Variants in ACTN4 observed in about 807,000 individuals in gnomAD.
ACTN4 encodes alpha-actinin-4.
A neutral mutation model predicts 114.2 loss-of-function variants in ACTN4; 18 were observed. The ratio of observed to expected loss-of-function variants is 0.16; its 90% CI spans 0.11 to 0.23. ACTN4 has a LOEUF of 0.23. Among genes scored for constraint, ACTN4 ranks in the 10% least tolerant of loss-of-function variants. ACTN4 has a pLI of 1.00. For synonymous variants in ACTN4, 515 were observed against 506.3 expected (o/e 1.02, Z -0.23); for missense variants, 722 against 1,262.9 (o/e 0.57, Z 6.49).
chr19:38,648,557 A>C (rs1335158699), intron 1 of ACTN4, among the ~76,000 whole-genome samples: 1 of 151,246 alleles, frequency 6.6e-6, no homozygotes, highest in East Asian at 2.0e-4. Flanking sequence ...ATGAAAAGAC[A>C]TGGGCTTAGG....
At chr19:38,725,609 C>T (rs542508644) in intron 16 of ACTN4, 115 bp from the exon 17 acceptor site, 1 of 1,253,522 alleles carries the variant, frequency 8.0e-7, no homozygotes, top group South Asian at 1.3e-5. Flanking sequence ...GCCAAGGCCC[C>T]AGGCCAAAGG....
chr19:38,722,254 G>A lies in ACTN4; in HGVS notation c.1442+566G>A, dbSNP rs143799361. 2.6e-5 allele frequency among the ~76,000 whole-genome samples: 4 copies of A among 152,250 alleles called. No homozygotes were observed. In the East Asian group the frequency reaches 5.8e-4, roughly 22 times the overall value. ...TGGGGCCTTATTCCACCAGTGCAGCGGCCAGCAGCAGGGCGGGCCCAGGCA... is the reference window on the plus strand; with the variant it reads ...TGGGGCCTTATTCCACCAGTGCAGCAGCCAGCAGCAGGGCGGGCCCAGGCA... On this transcript the variant is annotated intron_variant, in intron 12 of 20. Coordinates refer to ENST00000252699, the MANE Select transcript of ACTN4 (RefSeq NM_004924.6).
intron 1 of ACTN4, among the ~76,000 whole-genome samples, chr19:38,659,522 CAG>C (rs1357601278): frequency 6.6e-6 from 1 of 152,124 alleles, no homozygotes; most frequent in African/African-American, 2.4e-5. Context: ...AGAAACACCT[CAG>C]AGATTCACAG....
intron 8 of ACTN4, among the ~76,000 whole-genome samples, chr19:38,711,701 G>A (rs8103824): frequency 0.15 from 23,073 of 152,228 alleles, 2,036 homozygotes; most frequent in Middle Eastern, 0.35. Flanking sequence ...GTTCCCACTC[G>A]CCCTGTCCAT....
intron 1 of ACTN4, among the ~76,000 whole-genome samples, chr19:38,654,246 A>AGGGAAGGATCCCGCCTCCTCC (rs1976647567): frequency 6.6e-6 from 1 of 152,216 alleles, no homozygotes; most frequent in Admixed American, 6.5e-5. Flanking sequence ...CACCTGACCC[A>AGGGAAGGATCCCGCCTCCTCC]GGGAAGGATC....
At chr19:38,725,566 G>A (rs148620986) in intron 16 of ACTN4, among the ~76,000 whole-genome samples, 158 bp from the exon 17 acceptor site, 213 of 152,350 alleles carry the variant, frequency 1.4e-3, no homozygotes, top group Non-Finnish European at 2.0e-3. Context: ...GGACAGTTGT[G>A]AGCAGTGGGC....
chr19:38,718,261 T>A, intron 11 of ACTN4, 187 bp downstream of exon 11: 1 of 1,031,958 alleles, frequency 9.7e-7, no homozygotes, highest in Non-Finnish European at 1.5e-6. Flanking sequence ...GTTCAGTGGC[T>A]CACACCTGTA....
chr19:38,728,753 G>T (rs1017218481), intron 19 of ACTN4, among the ~76,000 whole-genome samples: 2 of 152,208 alleles, frequency 1.3e-5, no homozygotes, highest in African/African-American at 4.8e-5. Flanking sequence ...CGAGAGGGGA[G>T]GGTGCAGAGA....
Position 38,706,109 on chromosome 19 carries a change from A to G in ACTN4, c.550A>G (p.Asn184Asp). ...AAAGACAGCCCCGTATAAGAACGTC[A>G]ATGTGCAGAACTTCCACATCAGGTA... is the stretch of plus-strand genomic sequence containing the variant. Reference protein sequence around the residue: ...QRKTAPYKNVNVQNFHISWKD... With the variant: ...QRKTAPYKNVDVQNFHISWKD... The change falls in exon 5 of 21, where the codon AAT becomes GAT. Residue 184 changes from asparagine (N) to aspartate (D), a missense_variant. Coordinates refer to ENST00000252699, the MANE Select transcript of ACTN4 (RefSeq NM_004924.6). The G allele has an allele frequency of 6.2e-7, 1 of 1,614,080 alleles. No homozygotes were observed. Among genetic ancestry groups the G allele is most frequent in the Non-Finnish European group, 8.5e-7 (1 of 1,179,970 alleles).
chr19:38,665,889 A>C (rs1266021598), intron 1 of ACTN4, among the ~76,000 whole-genome samples: 1 of 152,000 alleles, frequency 6.6e-6, no homozygotes, highest in South Asian at 2.1e-4. Flanking sequence ...GCAAAGTCCA[A>C]CTCAAGTTAG....
intron 5 of ACTN4, 27 bp from the exon 6 acceptor site, chr19:38,708,090 C>G: frequency 3.7e-6 from 6 of 1,613,242 alleles, no homozygotes; most frequent in Non-Finnish European, 5.1e-6. Flanking sequence ...GCGGGCCCTC[C>G]TATAACCTTT....
Position 38,717,455 on chromosome 19 carries a change from GGT to G in ACTN4, c.1143+140_1143+141del. On this transcript the variant is annotated intron_variant, in intron 10 of 20. Transcript: ENST00000252699. The surrounding 1 kb of genome is among the most constrained non-coding windows in gnomAD (Gnocchi z 4.0). The stretch of plus-strand genomic sequence containing the variant: ...CATGGCATGGCCTTTCGGATGCAGT[GGT>G]CGGGGAGGGGTGCACTTCACTCGGC... 8.5e-7 allele frequency: 1 copy of G among 1,178,244 alleles called. No homozygotes were observed. The highest frequency in any genetic ancestry group is 1.5e-5 in the African/African-American group (1 of 65,750). The allele number at this position is 1,178,244 out of a possible 1,614,324, so 73.0% of individuals were successfully genotyped here. A position where few individuals can be genotyped will look rare whatever the true frequency, so the allele number is the denominator to read the frequency against.
chr19:38,647,777 A>C lies in ACTN4; in HGVS notation c.32A>C (p.Tyr11Ser). 1 of 1,555,262 alleles carries C rather than the reference A, an allele frequency of 6.4e-7. No homozygotes were observed. Among genetic ancestry groups the C allele is most frequent in the South Asian group, 1.2e-5 (1 of 84,430 alleles). MVDYHAANQS[Y>S]QYGPSSAGNG... ...GACTACCACGCGGCGAACCAGTCGT[A>C]CCAGTACGGCCCCAGCAGCGCGGGC... The change falls in exon 1 of 21, where the codon TAC becomes TCC. Residue 11 changes from tyrosine to serine, a missense_variant. Physicochemically the swap from Tyr to Ser is moderately radical, Grantham distance 144 (BLOSUM62 -2). This residue lies in a region of ACTN4 where 72 missense variants were observed against 75.6 expected (regional missense o/e 0.95). Coordinates refer to ENST00000252699, the MANE Select transcript of ACTN4 (RefSeq NM_004924.6).
intron 4 of ACTN4, 86 bp from the exon 5 acceptor site, chr19:38,705,958 C>A: frequency 7.2e-7 from 1 of 1,393,238 alleles, no homozygotes; most frequent in Non-Finnish European, 1.0e-6. Flanking sequence ...TGACCCCAGG[C>A]CTGAGCCGAA....
chr19:38,679,734 G>A (rs937363019), intron 1 of ACTN4, among the ~76,000 whole-genome samples: 6 of 152,026 alleles, frequency 3.9e-5, no homozygotes, highest in Admixed American at 1.3e-4. Flanking sequence ...GGCCTCAAGC[G>A]ATTCTGCCAC....
At chr19:38,648,285 G>C in intron 1 of ACTN4, 1 of 180,572 alleles carries the variant, frequency 5.5e-6, no homozygotes. Flanking sequence ...TGGGGGTGCT[G>C]GGAGGAGAAT....
chr19:38,647,797 G>A lies in ACTN4; in HGVS notation c.52G>A (p.Ala18Thr), dbSNP rs756999888. The change falls in exon 1 of 21, where the codon GCG (alanine) becomes ACG (threonine). Residue 18 changes from alanine to threonine, a missense_variant. By Grantham distance (58) the Ala-to-Thr change is moderately conservative (BLOSUM62 0). Coordinates refer to ENST00000252699, the MANE Select transcript of ACTN4 (RefSeq NM_004924.6). ...NQSYQYGPSS[A>T]GNGAGGGGSM... ...GTCGTACCAGTACGGCCCCAGCAGCGCGGGCAATGGCGCTGGCGGCGGGGG... is the reference window on the plus strand; with the variant it reads ...GTCGTACCAGTACGGCCCCAGCAGCACGGGCAATGGCGCTGGCGGCGGGGG... 1 of 1,554,096 alleles carries A rather than the reference G, an allele frequency of 6.4e-7. No homozygotes were observed. Among genetic ancestry groups the A allele is most frequent in the South Asian group, 1.2e-5 (1 of 84,364 alleles).
intron 8 of ACTN4, among the ~76,000 whole-genome samples, chr19:38,713,667 G>A (rs1336893757): frequency 2.0e-5 from 3 of 152,218 alleles, no homozygotes; most frequent in Non-Finnish European, 4.4e-5. Flanking sequence ...GCTCTGAGCC[G>A]TTGGCCAAGC....
At chr19:38,679,047 C>G (rs1027811571) in intron 1 of ACTN4, among the ~76,000 whole-genome samples, 1 of 152,150 alleles carries the variant, frequency 6.6e-6, no homozygotes, top group African/African-American at 2.4e-5. Flanking sequence ...GAAAGTTCAG[C>G]TTTTACCTTG....
Sources: gnomAD v4.1 joint callset for allele counts (sites outside exome capture counted in the v4.1 genomes callset) on GRCh38, gnomAD v4.1.1 for gene constraint, gnomAD v4.1.1 regional missense constraint, Gnocchi (gnomAD v3.1) non-coding constraint, MANE v1.5 for transcripts, NCBI Gene and HGNC (gene_info 2026-07-23, HGNC 2026-07-21) for gene names.